Variants in BICC1 observed in about 807,000 individuals in gnomAD.
BICC1 encodes protein bicaudal C homolog 1.
A neutral mutation model predicts 111.0 loss-of-function variants in BICC1; 43 were observed. The observed-to-expected ratio is 0.39, with a 90% CI of 0.30 to 0.50. The LOEUF (loss-of-function observed/expected upper bound fraction) is 0.50, where lower values mean the gene tolerates loss of function less well. Among genes scored for constraint, BICC1 ranks in the 20% least tolerant of loss-of-function variants. The probability of loss-of-function intolerance (pLI) is 0.88; values close to 1 mark genes in which losing one functional copy is unlikely to be tolerated. For missense variants in BICC1, 1,091 were observed against 1,203.2 expected (o/e 0.91, Z 1.38); for synonymous variants, 467 against 434.4 (o/e 1.07, Z -0.93).
intron 3 of BICC1, among the ~76,000 whole-genome samples, chr10:58,767,457 A>G (rs763751099): frequency 4.3e-4 from 66 of 152,146 alleles, no homozygotes; most frequent in Non-Finnish European, 8.5e-4. Flanking sequence ...CTAGTCAGTA[A>G]AGACTGGAGG....
At chr10:58,700,740 G>A (rs1374914381) in intron 2 of BICC1, among the ~76,000 whole-genome samples, 1 of 152,302 alleles carries the variant, frequency 6.6e-6, no homozygotes, top group African/African-American at 2.4e-5. Context: ...AGTCAGAGAA[G>A]TAGTAGGGAC....
At chr10:58,600,755 A>G (rs1447478521) in intron 1 of BICC1, among the ~76,000 whole-genome samples, 2 of 152,212 alleles carry the variant, frequency 1.3e-5, no homozygotes, top group Non-Finnish European at 1.5e-5. Context: ...GAAGAACTTT[A>G]TGATGATCCA....
At chr10:58,680,141 C>T (rs932346380) in intron 2 of BICC1, among the ~76,000 whole-genome samples, 22 of 151,926 alleles carry the variant, frequency 1.4e-4, no homozygotes, top group African/African-American at 4.8e-4. Context: ...GGATGCCCTT[C>T]GTCACCATTC....
intron 2 of BICC1, among the ~76,000 whole-genome samples, chr10:58,634,319 A>T (rs905670014): frequency 9.9e-5 from 15 of 152,060 alleles, no homozygotes; most frequent in African/African-American, 3.6e-4. Context: ...TTGAATTATT[A>T]ACTGGAATTC....
intron 2 of BICC1, among the ~76,000 whole-genome samples, chr10:58,629,428 G>T (rs189520913): frequency 6.6e-6 from 1 of 151,802 alleles, no homozygotes; most frequent in Non-Finnish European, 1.5e-5. Context: ...TATTTAAATC[G>T]GCAATTATCA....
intron 3 of BICC1, among the ~76,000 whole-genome samples, chr10:58,706,915 T>A (rs1447604206): frequency 3.9e-5 from 6 of 152,224 alleles, no homozygotes; most frequent in Non-Finnish European, 8.8e-5. Context: ...TGTTTAAAGT[T>A]TTTAAGCCAA....
chr10:58,747,528 A>T (rs1018911974), intron 3 of BICC1, among the ~76,000 whole-genome samples: 2 of 152,072 alleles, frequency 1.3e-5, no homozygotes, highest in African/African-American at 4.8e-5. Flanking sequence ...CAATGTGATG[A>T]TGTTTTGATA....
At chr10:58,566,191 T>TGTACACAC (rs1564490459) in intron 1 of BICC1, among the ~76,000 whole-genome samples, 14 of 151,304 alleles carry the variant, frequency 9.3e-5, no homozygotes, top group African/African-American at 2.9e-4. Context: ...CGTGTGTATA[T>TGTACACAC]GTGTGTATAC....
At chr10:58,521,897 T>G (rs1237721763) in intron 1 of BICC1, among the ~76,000 whole-genome samples, 1 of 151,252 alleles carries the variant, frequency 6.6e-6, no homozygotes, top group Non-Finnish European at 1.5e-5. Flanking sequence ...AAAGAATCTT[T>G]TGTGAGTCTA....
At chr10:58,763,599 T>C (rs2132692017) in intron 3 of BICC1, among the ~76,000 whole-genome samples, 1 of 152,018 alleles carries the variant, frequency 6.6e-6, no homozygotes, top group East Asian at 1.9e-4. Context: ...CAGACTAGTG[T>C]TTATATTAAA....
chr10:58,819,931 G>A (rs1480209684), intron 19 of BICC1, among the ~76,000 whole-genome samples: 1 of 152,092 alleles, frequency 6.6e-6, no homozygotes, highest in Non-Finnish European at 1.5e-5. Context: ...ATCTGATTGT[G>A]TCTGGGAATT....
chr10:58,618,660 G>A (rs1217530270), intron 1 of BICC1, among the ~76,000 whole-genome samples: 1 of 152,204 alleles, frequency 6.6e-6, no homozygotes, highest in African/African-American at 2.4e-5. Flanking sequence ...GCGTGACACA[G>A]TGTCTGGGTG....
At chr10:58,770,843 G>C (rs1181540188) in intron 3 of BICC1, among the ~76,000 whole-genome samples, 1 of 152,156 alleles carries the variant, frequency 6.6e-6, no homozygotes, top group African/African-American at 2.4e-5. Context: ...GGGATTCGGA[G>C]ATTATGTAGA....
chr10:58,532,370 A>G (rs1329468579), intron 1 of BICC1, among the ~76,000 whole-genome samples: 1 of 151,802 alleles, frequency 6.6e-6, no homozygotes, highest in Non-Finnish European at 1.5e-5. Context: ...TGATTTGGGT[A>G]AGACATCAAT....
intron 3 of BICC1, among the ~76,000 whole-genome samples, chr10:58,737,406 T>C (rs193150663): frequency 2.6e-4 from 40 of 152,342 alleles, no homozygotes; most frequent in African/African-American, 9.1e-4. Flanking sequence ...GCTTCATCCA[T>C]GTCCCTGCAA....
intron 1 of BICC1, among the ~76,000 whole-genome samples, chr10:58,517,822 C>G (rs1218073245): frequency 6.6e-6 from 1 of 152,074 alleles, no homozygotes; most frequent in Non-Finnish European, 1.5e-5. Context: ...GTAAGTCATC[C>G]CAGTGCTGGC....
intron 3 of BICC1, among the ~76,000 whole-genome samples, chr10:58,729,312 T>C (rs1192640883): frequency 6.6e-6 from 1 of 152,260 alleles, no homozygotes; most frequent in Non-Finnish European, 1.5e-5. Context: ...CACTTGCTGC[T>C]TCACCTTGCA....
intron 2 of BICC1, among the ~76,000 whole-genome samples, chr10:58,646,676 G>A (rs1240457327): frequency 1.1e-4 from 16 of 152,074 alleles, no homozygotes; most frequent in East Asian, 1.9e-4. Context: ...ACTCATAGCC[G>A]AAATGACGGG....
chr10:58,705,263 C>G (rs1462963292), intron 3 of BICC1, among the ~76,000 whole-genome samples: 5 of 152,230 alleles, frequency 3.3e-5, no homozygotes, highest in African/African-American at 9.7e-5. Flanking sequence ...GGAAATATCA[C>G]TAAGAAGACC....
Sources: gnomAD v4.1 joint callset for allele counts (sites outside exome capture counted in the v4.1 genomes callset) on GRCh38, gnomAD v4.1.1 for gene constraint, MANE v1.5 for transcripts, NCBI Gene and HGNC (gene_info 2026-07-23, HGNC 2026-07-21) for gene names.